TTC4: variants seen among roughly 807,000 people sequenced by gnomAD.
The protein encoded by TTC4 is hsp70/Hsp90 co-chaperone CNS1 homolog.
A neutral mutation model predicts 51.9 loss-of-function variants in TTC4; 36 were observed. The observed-to-expected ratio is 0.69, with a 90% CI of 0.53 to 0.92. The LOEUF (loss-of-function observed/expected upper bound fraction) is 0.92. Ranked by LOEUF, TTC4 falls within the 40% of genes least tolerant of loss-of-function variation. The probability of loss-of-function intolerance (pLI) is 0.00; values close to 1 mark genes in which losing one functional copy is unlikely to be tolerated. For synonymous variants in TTC4, 144 were observed against 164.2 expected (o/e 0.88, Z 0.94); for missense variants, 399 against 454.6 (o/e 0.88, Z 1.11).
chr1:54,732,459 A>C (rs1027081428), intron 7 of TTC4, among the ~76,000 whole-genome samples: 3 of 139,860 alleles, frequency 2.1e-5, no homozygotes, highest in African/African-American at 7.8e-5. Flanking sequence ...TTTTTTTGTA[A>C]TTTTTTTTTT....
intron 1 of TTC4, 78 bp downstream of exon 1, chr1:54,716,097 C>A: frequency 8.8e-7 from 1 of 1,138,922 alleles, no homozygotes; most frequent in South Asian, 1.3e-5. Flanking sequence ...TGGGGCACCT[C>A]CTTCAATCCC....
chr1:54,738,531 A>G (rs1170935878), intron 9 of TTC4, among the ~76,000 whole-genome samples: 3 of 152,210 alleles, frequency 2.0e-5, no homozygotes, highest in African/African-American at 7.2e-5. Context: ...CCATTGGTCA[A>G]ACAGGCTCCA....
At chr1:54,740,989 C>A (rs1234862980) in intron 9 of TTC4, among the ~76,000 whole-genome samples, 3 of 152,142 alleles carry the variant, frequency 2.0e-5, no homozygotes, top group African/African-American at 7.2e-5. Context: ...ACAAATGCTT[C>A]TGCAGTTGTG....
At chr1:54,719,499 A>G (rs1645718062) in intron 3 of TTC4, among the ~76,000 whole-genome samples, 1 of 127,250 alleles carries the variant, frequency 7.9e-6, no homozygotes, top group Non-Finnish European at 1.6e-5. Flanking sequence ...TATGTGTTCA[A>G]TCTGCCTCCT....
At chr1:54,718,133 C>T (rs1439589886) in intron 3 of TTC4, among the ~76,000 whole-genome samples, 1 of 152,066 alleles carries the variant, frequency 6.6e-6, no homozygotes, top group East Asian at 1.9e-4. Flanking sequence ...GTAATCCAAG[C>T]ACTTTGGGAG....
chr1:54,734,336 T>C (rs559188163), intron 8 of TTC4, among the ~76,000 whole-genome samples: 1 of 152,122 alleles, frequency 6.6e-6, no homozygotes, highest in Non-Finnish European at 1.5e-5. Flanking sequence ...CCTTTCAAAG[T>C]GCTGGGATTA....
At chr1:54,727,311 G>A (rs1645812004) in intron 5 of TTC4, among the ~76,000 whole-genome samples, 2 of 152,216 alleles carry the variant, frequency 1.3e-5, no homozygotes, top group South Asian at 4.1e-4. Flanking sequence ...ACATGTGGGA[G>A]AATGAAGCTA....
At chr1:54,729,450 G>A (rs1645839090) in intron 6 of TTC4, among the ~76,000 whole-genome samples, 1 of 152,148 alleles carries the variant, frequency 6.6e-6, no homozygotes, top group South Asian at 2.1e-4. Context: ...TCAGAGAGGT[G>A]AAGAAACCTT....
chr1:54,722,128 AAT>A lies in TTC4; in HGVS notation c.470-546_470-545del, dbSNP rs1491348046. The stretch of plus-strand genomic sequence containing the variant: ...GAGAAAAATGTACATGATAACATGA[AAT>A]TTTTTTTTTTTTTTTTGATGGGGGA... On this transcript the variant is annotated intron_variant, in intron 4 of 9. Coordinates refer to ENST00000371281, the MANE Select transcript of TTC4 (RefSeq NM_004623.5). Among the ~76,000 whole-genome samples the A allele has an allele frequency of 1.5e-4, 19 of 123,526 alleles. No individual in the cohort carries two copies. The South Asian group carries it at 4.1e-3, about 27-fold the overall frequency. The allele number at this position is 123,526 out of a possible 152,430, so 81.0% of individuals were successfully genotyped here.
chr1:54,719,413 A>G (rs1645716809), intron 3 of TTC4, among the ~76,000 whole-genome samples: 1 of 148,768 alleles, frequency 6.7e-6, no homozygotes, highest in African/African-American at 2.4e-5. Flanking sequence ...TTTGTTTTCC[A>G]GCTTTCACAA....
chr1:54,715,864 C>A lies in TTC4; in HGVS notation c.-45C>A, dbSNP rs199696687. ...ACCCGCGCCGCCGGAAGGAGCCGCTCGCTTCACGGCGCTGGGACCCGGGCT... is the reference window on the plus strand; with the variant it reads ...ACCCGCGCCGCCGGAAGGAGCCGCTAGCTTCACGGCGCTGGGACCCGGGCT... On this transcript the variant is annotated 5_prime_UTR_variant, in exon 1 of 10. Coordinates refer to ENST00000371281, the MANE Select transcript of TTC4 (RefSeq NM_004623.5). 33 of 1,495,346 alleles carry A rather than the reference C, an allele frequency of 2.2e-5. No individual in the cohort carries two copies. The highest frequency in any genetic ancestry group is 2.8e-5 in the Non-Finnish European group (31 of 1,099,562). The allele number at this position is 1,495,346 out of a possible 1,614,324, so 92.6% of individuals were successfully genotyped here. A position where few individuals can be genotyped will look rare whatever the true frequency, so the allele number is the denominator to read the frequency against.
chr1:54,740,545 C>G (rs1645999280), intron 9 of TTC4, among the ~76,000 whole-genome samples: 1 of 152,146 alleles, frequency 6.6e-6, no homozygotes, highest in Admixed American at 6.5e-5. Flanking sequence ...AGAAAGCAGA[C>G]CGATGCTTGG....
chr1:54,728,127 G>A (rs1467994351), intron 5 of TTC4, among the ~76,000 whole-genome samples: 3 of 152,078 alleles, frequency 2.0e-5, no homozygotes, highest in Non-Finnish European at 4.4e-5. Context: ...GAGTTCCTTG[G>A]GTACATACAG....
chr1:54,736,272 C>T (rs1645940513), intron 8 of TTC4, among the ~76,000 whole-genome samples: 1 of 102,752 alleles, frequency 9.7e-6, no homozygotes, highest in African/African-American at 5.0e-5. Context: ...GAGAGAGAGA[C>T]CATGAAGTCT....
intron 9 of TTC4, among the ~76,000 whole-genome samples, chr1:54,740,899 CAT>C (rs1281916964): frequency 6.6e-6 from 1 of 152,236 alleles, no homozygotes; most frequent in Admixed American, 6.5e-5. Flanking sequence ...CAAGTTCAGA[CAT>C]GGCATCTTCC....
At position 54,742,401 on chromosome 1, in the gene TTC4, A is replaced by G. The variant is rs1401627952; in HGVS notation, c.*888A>G. On this transcript the variant is annotated 3_prime_UTR_variant, in exon 10 of 10. Transcript: ENST00000371281. ...CCAATGCAGAGGGATATGCACAGGC[A>G]TGAGCTGTCCTGCGTCTGACAGAAG... 2 of 152,326 alleles carry G rather than the reference A, an allele frequency of 1.3e-5. No homozygotes were observed. Among genetic ancestry groups the G allele is most frequent in the East Asian group, 3.8e-4 (2 of 5,200 alleles). 9.4% of individuals were successfully genotyped at this position (152,326 alleles called of 1,614,324 possible).
At chr1:54,740,532 A>T (rs1036688466) in intron 9 of TTC4, among the ~76,000 whole-genome samples, 2 of 152,174 alleles carry the variant, frequency 1.3e-5, no homozygotes, top group African/African-American at 4.8e-5. Flanking sequence ...GAGAAATCTA[A>T]ATAGAAAGCA....
Position 54,715,865 on chromosome 1 carries a change from G to C in TTC4, c.-44G>C, listed in dbSNP as rs778500716. On this transcript the variant is annotated 5_prime_UTR_variant, in exon 1 of 10. Transcript: ENST00000371281. ...CCCGCGCCGCCGGAAGGAGCCGCTCGCTTCACGGCGCTGGGACCCGGGCTG... is the reference window on the plus strand; with the variant it reads ...CCCGCGCCGCCGGAAGGAGCCGCTCCCTTCACGGCGCTGGGACCCGGGCTG... 4 of 1,501,566 alleles carry C rather than the reference G, an allele frequency of 2.7e-6. No individual in the cohort carries two copies. Among genetic ancestry groups the C allele is most frequent in the Admixed American group, 2.0e-5 (1 of 51,112 alleles). The allele number at this position is 1,501,566 out of a possible 1,614,324, so 93.0% of individuals were successfully genotyped here. A position where few individuals can be genotyped will look rare whatever the true frequency, so the allele number is the denominator to read the frequency against.
intron 7 of TTC4, among the ~76,000 whole-genome samples, chr1:54,733,405 C>T (rs1011426478): frequency 4.7e-5 from 7 of 148,380 alleles, no homozygotes; most frequent in African/African-American, 1.8e-4. Flanking sequence ...GGTGACAGAG[C>T]GAGACCCTGT....
Sources: gnomAD v4.1 joint callset for allele counts (sites outside exome capture counted in the v4.1 genomes callset) on GRCh38, gnomAD v4.1.1 for gene constraint, MANE v1.5 for transcripts, NCBI Gene and HGNC (gene_info 2026-07-23, HGNC 2026-07-21) for gene names.